SUPT6H: variants seen among roughly 807,000 people sequenced by gnomAD.
SUPT6H encodes transcription elongation factor SPT6.
In SUPT6H, 11 loss-of-function variants were observed where a neutral mutation model predicts 222.3. The ratio of observed to expected loss-of-function variants is 0.05; its 90% CI spans 0.03 to 0.08. SUPT6H has a LOEUF of 0.08. SUPT6H is among the 10% of genes least tolerant of loss of function. The pLI is 1.00. For synonymous variants in SUPT6H, 762 were observed against 801.2 expected, an observed-to-expected ratio of 0.95 and a Z score of 0.83; for missense variants, 1,422 against 2,216.0, an observed-to-expected ratio of 0.64 and a Z score of 7.19.
At chr17:28,693,199 G>A (rs373075242) in intron 27 of SUPT6H, among the ~76,000 whole-genome samples, 4 of 152,042 alleles carry the variant, frequency 2.6e-5, no homozygotes, top group East Asian at 3.9e-4. Flanking sequence ...GGTGGCTCAC[G>A]CCTGTAATCC....
chr17:28,674,644 G>C (rs779609091), intron 4 of SUPT6H, 31 bp downstream of exon 4: 4 of 1,606,566 alleles, frequency 2.5e-6, no homozygotes, highest in South Asian at 2.2e-5. Context: ...TTTGTCCCTG[G>C]GGGTAAAGGA....
At chr17:28,700,852 C>T in intron 35 of SUPT6H, 89 bp from the exon 36 acceptor site, 3 of 1,461,686 alleles carry the variant, frequency 2.1e-6, no homozygotes, top group Non-Finnish European at 2.8e-6. Flanking sequence ...GAAAGCTTTG[C>T]TGAGCCCACC....
intron 6 of SUPT6H, among the ~76,000 whole-genome samples, chr17:28,675,709 A>G (rs1385170086): frequency 6.6e-6 from 1 of 152,224 alleles, no homozygotes; most frequent in East Asian, 1.9e-4. Flanking sequence ...GTAGAGTCCC[A>G]CATGGGCAAG....
intron 1 of SUPT6H, among the ~76,000 whole-genome samples, chr17:28,672,411 TC>T (rs1307565987): frequency 6.6e-6 from 1 of 152,054 alleles, no homozygotes; most frequent in Admixed American, 6.6e-5. Context: ...TTTTTTCTTT[TC>T]TTTTTTTTTC....
At chr17:28,696,399 C>T (rs555381524) in intron 29 of SUPT6H, among the ~76,000 whole-genome samples, 149 of 149,924 alleles carry the variant, frequency 9.9e-4, no homozygotes, top group Middle Eastern at 3.6e-3. Flanking sequence ...GAGTTCAAGA[C>T]GAGCCTGGCC....
Position 28,667,396 on chromosome 17 carries a change from T to G in SUPT6H, c.-32+5054T>G, listed in dbSNP as rs1266736512. Among the ~76,000 whole-genome samples, 50 of 52,772 alleles carry G rather than the reference T, an allele frequency of 9.5e-4. 1 individual carries two copies. Among genetic ancestry groups the G allele is most frequent in the African/African-American group, 1.1e-3 (13 of 12,258 alleles). The allele number at this position is 52,772 out of a possible 152,430, so 34.6% of individuals were successfully genotyped here. ...AAAAAAAAAAAAAAAAAAAAAAAAG[T>G]GTGTGTGTGTATATATATATATATA... On this transcript the variant is annotated intron_variant, in intron 1 of 36. Coordinates refer to ENST00000314616, the MANE Select transcript of SUPT6H (RefSeq NM_003170.5).
In SUPT6H at chr17:28,676,291, T is replaced by C; in HGVS notation, c.758T>C (p.Val253Ala). Residue 253 changes from valine (V) to alanine (A), a missense_variant, in exon 7 of 37, where the codon GTG becomes GCG. Val to Ala is a moderately conservative substitution (Grantham distance 64). This residue lies in a region of SUPT6H where 389 missense variants were observed against 544.6 expected (regional missense o/e 0.71). Coordinates refer to ENST00000314616, the MANE Select transcript of SUPT6H (RefSeq NM_003170.5). The part of the protein sequence containing the change: ...EDDEAEGEIR[V>A]RPKKTTKKRV... ...GATGAGGCTGAGGGTGAAATCCGAG[T>C]GCGCCCCAAGAAGACCACCAAGAAG... 3.1e-6 allele frequency: 5 copies of C among 1,612,832 alleles called. No homozygotes were observed. Among genetic ancestry groups the C allele is most frequent in the Non-Finnish European group, 4.2e-6 (5 of 1,179,714 alleles).
At chr17:28,676,725 A>C (rs1465025332) in intron 7 of SUPT6H, among the ~76,000 whole-genome samples, 3 of 152,140 alleles carry the variant, frequency 2.0e-5, no homozygotes, top group African/African-American at 7.2e-5. Context: ...CAGGAACTCA[A>C]GACCAGCCTG....
In SUPT6H at chr17:28,695,375, C is replaced by T. The variant is rs1394733302; in HGVS notation, c.3798C>T (p.Arg1266=). The T allele has an allele frequency of 6.2e-7, 1 of 1,613,900 alleles. No individual in the cohort carries two copies. The highest frequency in any genetic ancestry group is 8.5e-7 in the Non-Finnish European group (1 of 1,179,978). The part of the protein sequence containing the change: ...RVKVGMTVHC[R]IMKIDIEKFS... The stretch of plus-strand genomic sequence containing the variant: ...AGGTGGGAATGACTGTTCACTGCCG[C>T]ATCATGAAGATTGACATTGAGAAGT... The change falls in exon 29 of 37, where the codon CGC becomes CGT. Residue 1266 remains arginine (R), a synonymous_variant. Transcript: ENST00000314616.
Position 28,687,218 on chromosome 17 carries a change from C to T in SUPT6H, c.2831C>T (p.Pro944Leu). 6.2e-7 allele frequency: 1 copy of T among 1,614,164 alleles called. No homozygotes were observed. Among genetic ancestry groups the T allele is most frequent in the South Asian group, 1.1e-5 (1 of 91,080 alleles). Residue 944 changes from proline (P) to leucine (L), a missense_variant, in exon 22 of 37, where the codon CCC (proline) becomes CTC (leucine). Physicochemically the swap from Pro to Leu is moderately conservative, Grantham distance 98 (BLOSUM62 -3). This residue lies in a region of SUPT6H where 294 missense variants were observed against 382.1 expected (regional missense o/e 0.77). Coordinates refer to ENST00000314616, the MANE Select transcript of SUPT6H (RefSeq NM_003170.5). ...DEDILCLKFH[P>L]LQEHVVKEEL... ...GACATCCTGTGTCTCAAGTTTCACC[C>T]CTTGCAGGTGAGTAGGATTTGACAG...
chr17:28,690,825 GA>G, intron 26 of SUPT6H, 95 bp from the exon 27 acceptor site: 1 of 1,393,402 alleles, frequency 7.2e-7, no homozygotes, highest in Non-Finnish European at 9.8e-7. Context: ...TCAAGGATGG[GA>G]AGGAAGTCAG....
chr17:28,689,616 G>A, intron 25 of SUPT6H, 55 bp downstream of exon 25: 1 of 1,559,040 alleles, frequency 6.4e-7, no homozygotes, highest in Non-Finnish European at 8.8e-7. Context: ...TGGCCAGGTT[G>A]GTAGGAGACT....
At position 28,682,967 on chromosome 17, in the gene SUPT6H, C is replaced by T; in HGVS notation, c.1753C>T (p.Leu585=). Reference sequence around the variant, plus strand: ...CCAGTTCCCTACTCCAGAAGCTGTGCTAGAAGGCGCCCGCTACATGGTAGC... The same window carrying T: ...CCAGTTCCCTACTCCAGAAGCTGTGTTAGAAGGCGCCCGCTACATGGTAGC... ...CSQFPTPEAV[L]EGARYMVALQ... Residue 585 remains leucine (L), a synonymous_variant, in exon 15 of 37, where the codon CTA becomes TTA. Coordinates refer to ENST00000314616, the MANE Select transcript of SUPT6H (RefSeq NM_003170.5). 1 of 1,612,778 alleles carries T rather than the reference C, an allele frequency of 6.2e-7. No homozygotes were observed. The highest frequency in any genetic ancestry group is 8.5e-7 in the Non-Finnish European group (1 of 1,179,298).
chr17:28,687,668 C>T (rs1294844945), intron 23 of SUPT6H, among the ~76,000 whole-genome samples, 197 bp downstream of exon 23: 6 of 152,066 alleles, frequency 3.9e-5, no homozygotes, highest in Non-Finnish European at 7.4e-5. Context: ...CTGCTTGCAC[C>T]ACCACACCCA....
rs1487604121 is a variant in SUPT6H, at chr17:28,693,791, A to G, written c.3729A>G (p.Lys1243=). 1 of 1,614,062 alleles carries G rather than the reference A, an allele frequency of 6.2e-7. No homozygotes were observed. Among genetic ancestry groups the G allele is most frequent in the Non-Finnish European group, 8.5e-7 (1 of 1,180,034 alleles). ...DNGVTGFIPT[K]FLSDKVVKRP... ...GTGTCACCGGCTTCATCCCCACCAA[A>G]TTCCTCAGTGACAAAGTGGTAAAGC... The change falls in exon 28 of 37, where the codon AAA becomes AAG. Residue 1243 remains lysine, a synonymous_variant. Transcript: ENST00000314616.
At chr17:28,696,758 A>G in intron 29 of SUPT6H, 86 bp from the exon 30 acceptor site, 1 of 1,253,394 alleles carries the variant, frequency 8.0e-7, no homozygotes, top group Non-Finnish European at 1.2e-6. Flanking sequence ...TCAATAAATA[A>G]ATAAGAAATG....
At chr17:28,672,429 T>C (rs956253252) in intron 1 of SUPT6H, among the ~76,000 whole-genome samples, 1 of 152,164 alleles carries the variant, frequency 6.6e-6, no homozygotes, top group East Asian at 1.9e-4. Flanking sequence ...TTTCTTTTTT[T>C]TCGAGGCAGA....
Position 28,683,616 on chromosome 17 carries a change from C to T in SUPT6H, c.2034-5C>T. The T allele has an allele frequency of 6.2e-7, 1 of 1,613,254 alleles. No homozygotes were observed. The highest frequency in any genetic ancestry group is 8.5e-7 in the Non-Finnish European group (1 of 1,179,384). On this transcript the variant is annotated splice_region_variant and splice_polypyrimidine_tract_variant and intron_variant, in intron 16 of 36. Coordinates refer to ENST00000314616, the MANE Select transcript of SUPT6H (RefSeq NM_003170.5). The stretch of plus-strand genomic sequence containing the variant: ...CTGACACCATAGCTTTGTGTCTCTT[C>T]TCAGCTATGGCAACGACCAGACATA...
intron 1 of SUPT6H, among the ~76,000 whole-genome samples, chr17:28,669,569 C>T (rs902124097): frequency 2.6e-5 from 4 of 152,164 alleles, no homozygotes; most frequent in African/African-American, 4.8e-5. Flanking sequence ...TTTGGAAGGT[C>T]GAGGCAGGTG....
Sources: allele counts gnomAD v4.1 joint callset (sites outside exome capture counted in the v4.1 genomes callset), GRCh38; gene constraint gnomAD v4.1.1; regional missense constraint gnomAD v4.1.1; transcripts MANE v1.5; gene names NCBI Gene and HGNC (gene_info 2026-07-23, HGNC 2026-07-21).